ULK4: variants seen among roughly 807,000 people sequenced by gnomAD.
ULK4 encodes the protein unc-51 like kinase 4.
Under a neutral mutation model 160.6 loss-of-function variants are expected in ULK4, and 133 were observed. The ratio of observed to expected loss-of-function variants is 0.83; its 90% CI spans 0.72 to 0.96. The LOEUF (loss-of-function observed/expected upper bound fraction) is 0.96, where lower values mean the gene tolerates loss of function less well. Among genes scored for constraint, ULK4 ranks in the 40% least tolerant of loss-of-function variants. ULK4 has a pLI of 0.00. For synonymous variants in ULK4, 534 were observed against 539.8 expected (o/e 0.99, Z 0.15); for missense variants, 1,580 against 1,499.5 (o/e 1.05, Z -0.89).
chr3:41,627,937 G>C (rs1044120174), intron 30 of ULK4, among the ~76,000 whole-genome samples: 1 of 152,174 alleles, frequency 6.6e-6, no homozygotes, highest in Non-Finnish European at 1.5e-5. Flanking sequence ...TAAAAGGTCA[G>C]TGTGACAGAT....
At chr3:41,361,332 T>C (rs1164229187) in intron 35 of ULK4, among the ~76,000 whole-genome samples, 1 of 152,212 alleles carries the variant, frequency 6.6e-6, no homozygotes, top group East Asian at 1.9e-4. Flanking sequence ...TTAGATCTGA[T>C]TGAGAAAACT....
At chr3:41,766,162 G>C (rs1467369985) in intron 21 of ULK4, among the ~76,000 whole-genome samples, 2 of 136,852 alleles carry the variant, frequency 1.5e-5, no homozygotes, top group African/African-American at 5.2e-5. Flanking sequence ...CCAGCTATTC[G>C]ATAGGCTGAG....
Position 41,506,767 on chromosome 3 carries a change from A to AAAAAAAAAAAAAAAAAATATAT in ULK4, c.3227-43515_3227-43514insATATATTTTTTTTTTTTTTTTT. Among the ~76,000 whole-genome samples the AAAAAAAAAAAAAAAAAATATAT allele has an allele frequency of 5.1e-4, 29 of 56,794 alleles. 3 individuals are homozygous for AAAAAAAAAAAAAAAAAATATAT. Among genetic ancestry groups the AAAAAAAAAAAAAAAAAATATAT allele is most frequent in the Non-Finnish European group, 7.8e-4 (25 of 31,984 alleles). The allele number at this position is 56,794 out of a possible 152,430, so 37.3% of individuals were successfully genotyped here. On this transcript the variant is annotated intron_variant, in intron 32 of 36. Transcript: ENST00000301831. The stretch of plus-strand genomic sequence containing the variant: ...AGCAATACACTGGAGTGTGATTTAA[A>AAAAAAAAAAAAAAAAAATATAT]ATATATATATATATATATATATATA...
At chr3:41,625,655 C>A (rs930251225) in intron 30 of ULK4, among the ~76,000 whole-genome samples, 1 of 152,178 alleles carries the variant, frequency 6.6e-6, no homozygotes, top group Non-Finnish European at 1.5e-5. Context: ...AAAATAATGA[C>A]GCAAAAGACT....
chr3:41,325,399 T>A (rs1444688105), intron 35 of ULK4, among the ~76,000 whole-genome samples: 1 of 152,102 alleles, frequency 6.6e-6, no homozygotes, highest in Non-Finnish European at 1.5e-5. Flanking sequence ...AAAAGAAAGA[T>A]CAGAATTGAA....
chr3:41,711,689 A>G (rs2037101126), intron 25 of ULK4, among the ~76,000 whole-genome samples: 1 of 152,228 alleles, frequency 6.6e-6, no homozygotes, highest in African/African-American at 2.4e-5. Flanking sequence ...TACTTTCATA[A>G]ACTAATGAGG....
chr3:41,846,880 T>A (rs73079360), intron 17 of ULK4, among the ~76,000 whole-genome samples: 18,696 of 151,950 alleles, frequency 0.12, 1,335 homozygotes, highest in Middle Eastern at 0.26. Context: ...ATGCTATTAT[T>A]GTGTGCATTT....
intron 18 of ULK4, among the ~76,000 whole-genome samples, chr3:41,827,884 G>C (rs566173515): frequency 1.4e-4 from 21 of 152,110 alleles, no homozygotes; most frequent in African/African-American, 4.6e-4. Flanking sequence ...GATGAACACT[G>C]ATGCAAAAAT....
intron 35 of ULK4, among the ~76,000 whole-genome samples, chr3:41,391,925 TA>T (rs1398571349): frequency 6.6e-6 from 1 of 152,122 alleles, no homozygotes; most frequent in Non-Finnish European, 1.5e-5. Flanking sequence ...AGGGAGTTAG[TA>T]ACATCAGCAT....
intron 17 of ULK4, among the ~76,000 whole-genome samples, chr3:41,838,739 G>T (rs2041829601): frequency 6.6e-6 from 1 of 152,186 alleles, no homozygotes; most frequent in Admixed American, 6.5e-5. Flanking sequence ...TGCCAAATAT[G>T]TGAAGCAAAA....
chr3:41,375,558 G>A (rs2081470742), intron 35 of ULK4, among the ~76,000 whole-genome samples: 1 of 149,944 alleles, frequency 6.7e-6, no homozygotes, highest in Non-Finnish European at 1.5e-5. Context: ...AAATGGTGCT[G>A]GGAAACCTGG....
chr3:41,770,024 T>C (rs1438875109), intron 21 of ULK4, among the ~76,000 whole-genome samples: 1 of 152,246 alleles, frequency 6.6e-6, no homozygotes, highest in African/African-American at 2.4e-5. Context: ...AAATTGTTTT[T>C]GGATTGCAAT....
chr3:41,391,483 T>A (rs1314021701), intron 35 of ULK4, among the ~76,000 whole-genome samples: 1 of 151,884 alleles, frequency 6.6e-6, no homozygotes, highest in East Asian at 1.9e-4. Flanking sequence ...GAGAGAGGTA[T>A]AATTTTACCT....
At chr3:41,546,066 A>C (rs747952628) in intron 32 of ULK4, among the ~76,000 whole-genome samples, 3 of 152,112 alleles carry the variant, frequency 2.0e-5, no homozygotes, top group Non-Finnish European at 4.4e-5. Flanking sequence ...GTTAATTCCA[A>C]CATCTGGGTA....
chr3:41,478,272 C>T (rs2084205520), intron 32 of ULK4, among the ~76,000 whole-genome samples: 1 of 152,144 alleles, frequency 6.6e-6, no homozygotes, highest in Non-Finnish European at 1.5e-5. Flanking sequence ...TCCTATAATC[C>T]GAAAGAACCT....
At chr3:41,784,624 T>C (rs1199018229) in intron 21 of ULK4, among the ~76,000 whole-genome samples, 1 of 152,064 alleles carries the variant, frequency 6.6e-6, no homozygotes, top group Non-Finnish European at 1.5e-5. Context: ...GGCAAGCAAA[T>C]CATTTTAAAG....
chr3:41,497,834 ATCATGCCTATAAATAGCCACTGCACT>A (rs1483230865), intron 32 of ULK4, among the ~76,000 whole-genome samples: 1 of 152,144 alleles, frequency 6.6e-6, no homozygotes, highest in African/African-American at 2.4e-5. Flanking sequence ...GTGTGCTATA[ATCATGCCTATAAATAGCCACTGCACT>A]TCAGCCTGGG....
rs537759933 is a variant in ULK4 at position 41,640,877 on chromosome 3, A to C, written c.3071+22730T>G. On this transcript the variant is annotated intron_variant, in intron 30 of 36. Transcript: ENST00000301831. ...ATGTGGGAAGATGTCAATTCACTGG[A>C]GTGAAGATCAAGAACACTTTGTCCC... is the stretch of plus-strand genomic sequence containing the variant. Among the ~76,000 whole-genome samples the C allele has an allele frequency of 9.5e-4, 145 of 152,314 alleles. 2 individuals carry two copies. Among genetic ancestry groups the C allele is most frequent in the Admixed American group, 1.6e-3 (25 of 15,304 alleles).
chr3:41,435,099 A>G (rs1394521662), intron 34 of ULK4, among the ~76,000 whole-genome samples: 6 of 152,198 alleles, frequency 3.9e-5, no homozygotes, highest in Admixed American at 3.9e-4. Flanking sequence ...GAGTTGAAAA[A>G]TTTATCCTTC....
Sources: allele counts gnomAD v4.1 joint callset (sites outside exome capture counted in the v4.1 genomes callset), GRCh38; gene constraint gnomAD v4.1.1; transcripts MANE v1.5; gene names NCBI Gene and HGNC (gene_info 2026-07-23, HGNC 2026-07-21).